Variants in FAM50B observed in about 807,000 individuals in gnomAD.
FAM50B encodes the protein family with sequence similarity 50 member B.
FAM50B carries 9 observed loss-of-function variants against 25.4 expected under a neutral mutation model. The observed-to-expected ratio is 0.35, with a 90% CI of 0.21 to 0.62. The LOEUF is 0.62. Among genes scored for constraint, FAM50B ranks in the 20% least tolerant of loss-of-function variants. The pLI is 0.73. For missense variants in FAM50B, 372 were observed against 477.9 expected, an observed-to-expected ratio of 0.78 and a Z score of 2.07; for synonymous variants, 212 against 204.3, an observed-to-expected ratio of 1.04 and a Z score of -0.32.
At chr6:3,844,008 A>G in the FAM50B span, among the ~76,000 whole-genome samples, 8 of 152,216 alleles carry the variant, frequency 5.3e-5, no homozygotes, top group African/African-American at 1.2e-4. Flanking sequence ...AGAGGACAGT[A>G]TATCTGCCAC....
At chr6:3,847,171 G>A (rs1241287892), upstream of FAM50B, among the ~76,000 whole-genome samples, 1 of 152,214 alleles carries the variant, frequency 6.6e-6, no homozygotes, top group Non-Finnish European at 1.5e-5. Flanking sequence ...AGCTACACTA[G>A]CCCCTAGCAA....
upstream of FAM50B, among the ~76,000 whole-genome samples, chr6:3,848,104 A>G (rs1162258391): frequency 6.6e-6 from 1 of 152,268 alleles, no homozygotes; most frequent in African/African-American, 2.4e-5. Context: ...ATATTGCAAG[A>G]ATTACCAAAA....
chr6:3,837,226 T>A, the FAM50B span, among the ~76,000 whole-genome samples: 1 of 152,136 alleles, frequency 6.6e-6, no homozygotes, highest in Non-Finnish European at 1.5e-5. Context: ...GAGCAACCGA[T>A]AAATTGAAGT....
chr6:3,849,724 G>A, intron 1 of FAM50B, 65 bp from the exon 2 acceptor site: 2 of 1,474,842 alleles, frequency 1.4e-6, no homozygotes, highest in Non-Finnish European at 1.8e-6. Flanking sequence ...GAGGCGCAGA[G>A]CTGAGCATTC....
chr6:3,845,021 T>C (rs893867514), upstream of FAM50B, among the ~76,000 whole-genome samples: 1 of 152,220 alleles, frequency 6.6e-6, no homozygotes, highest in Non-Finnish European at 1.5e-5. Context: ...TTTTGTTCTA[T>C]TTATTCTTCT....
At chr6:3,842,292 G>A in the FAM50B span, among the ~76,000 whole-genome samples, 1 of 152,192 alleles carries the variant, frequency 6.6e-6, no homozygotes, top group African/African-American at 2.4e-5. Context: ...GAAACGTAGT[G>A]TGCGAAGCCA....
chr6:3,849,989 C>T lies in FAM50B; in HGVS notation c.178C>T (p.Leu60=). 6.2e-7 allele frequency: 1 copy of T among 1,613,888 alleles called. No homozygotes were observed. Among genetic ancestry groups the T allele is most frequent in the Non-Finnish European group, 8.5e-7 (1 of 1,179,952 alleles). ...GCATTACGACGCCGTGGAGGCCGAGCTGAAGTCCAGCACGGTGGGCCTGGT... is the reference window on the plus strand; with the variant it reads ...GCATTACGACGCCGTGGAGGCCGAGTTGAAGTCCAGCACGGTGGGCCTGGT... ...SAHYDAVEAE[L]KSSTVGLVTL... is the part of the protein sequence containing the mutation. The change falls in exon 2 of 2, where the codon CTG becomes TTG. Residue 60 remains leucine (L), a synonymous_variant. Transcript: ENST00000648326.
At chr6:3,838,006 C>G in the FAM50B span, among the ~76,000 whole-genome samples, 2 of 152,210 alleles carry the variant, frequency 1.3e-5, no homozygotes, top group African/African-American at 4.8e-5. Flanking sequence ...TAAGTGCTGA[C>G]AAGAATGCAG....
At chr6:3,849,588 T>G in intron 1 of FAM50B, 102 bp downstream of exon 1, 1 of 736,604 alleles carries the variant, frequency 1.4e-6, no homozygotes, top group Non-Finnish European at 2.1e-6. Context: ...GCCGTTCGCA[T>G]TTGCATTTAT....
At chr6:3,848,130 C>A (rs1022619360), upstream of FAM50B, among the ~76,000 whole-genome samples, 26 of 152,156 alleles carry the variant, frequency 1.7e-4, no homozygotes, top group Non-Finnish European at 2.9e-4. Flanking sequence ...CACAGGAACA[C>A]GAAGTGAGCA....
At chr6:3,838,913 A>G in the FAM50B span, among the ~76,000 whole-genome samples, 1 of 151,840 alleles carries the variant, frequency 6.6e-6, no homozygotes, top group East Asian at 1.9e-4. Context: ...CATATGCAAC[A>G]GCATGGATGA....
chr6:3,840,570 C>T, the FAM50B span, among the ~76,000 whole-genome samples: 2 of 152,284 alleles, frequency 1.3e-5, no homozygotes, highest in East Asian at 3.9e-4. Flanking sequence ...GCACCTGCCC[C>T]GCCTCCAACG....
chr6:3,849,631 TG>T, intron 1 of FAM50B, 145 bp downstream of exon 1: 1 of 1,092,458 alleles, frequency 9.2e-7, no homozygotes. Flanking sequence ...AATTGGTGCC[TG>T]GTGACACTGT....
chr6:3,849,482 G>A lies in FAM50B; in HGVS notation c.-28G>A. 3.8e-6 allele frequency: 1 copy of A among 264,682 alleles called. No homozygotes were observed. Among genetic ancestry groups the A allele is most frequent in the South Asian group, 8.1e-5 (1 of 12,390 alleles). The allele number at this position is 264,682 out of a possible 1,614,324, so 16.4% of individuals were successfully genotyped here. On this transcript the variant is annotated 5_prime_UTR_variant, in exon 1 of 2. Coordinates refer to ENST00000648326, the MANE Select transcript of FAM50B (RefSeq NM_012135.3). ...GTGTCTCCGCTCGACAGGGTGCTTG[G>A]GCAGGTAAGGGTCCGCTCAGTAGCC... is the stretch of plus-strand genomic sequence containing the variant.
chr6:3,841,961 G>A, the FAM50B span, among the ~76,000 whole-genome samples: 1 of 152,234 alleles, frequency 6.6e-6, no homozygotes, highest in African/African-American at 2.4e-5. Context: ...TGTGAGCAGT[G>A]TGCACTGTGG....
In FAM50B at chr6:3,850,502, G is replaced by A. The variant is rs759641838; in HGVS notation, c.691G>A (p.Gly231Ser). 3.1e-6 allele frequency: 5 copies of A among 1,613,734 alleles called. No individual in the cohort carries two copies. In the East Asian group the frequency reaches 6.7e-5, roughly 22 times the overall value. ...GGACTTCCTGGAGCTGCGCTCCGCC[G>A]GCGTGGAGCAGCTCATGTTCATCAA... Reference protein sequence around the residue: ...RKDFLELRSAGVEQLMFIKED... With the variant: ...RKDFLELRSASVEQLMFIKED... The change falls in exon 2 of 2, where the codon GGC (glycine) becomes AGC (serine). Residue 231 changes from glycine to serine, a missense_variant. Transcript: ENST00000648326.
the FAM50B span, among the ~76,000 whole-genome samples, chr6:3,843,459 A>G: frequency 2.5e-3 from 381 of 152,382 alleles, 1 homozygote; most frequent in Non-Finnish European, 4.8e-3. Flanking sequence ...GATACAAATG[A>G]AAGAAAAAAA....
chr6:3,850,847 A>T lies in FAM50B; in HGVS notation c.*58A>T. 6.4e-7 allele frequency: 1 copy of T among 1,568,524 alleles called. No homozygotes were observed. Among genetic ancestry groups the T allele is most frequent in the South Asian group, 1.2e-5 (1 of 85,776 alleles). ...GGGGAGACACTCATTTCTAGGCCCC[A>T]TCACCAGTCACTTGATTTCGTGACC... On this transcript the variant is annotated 3_prime_UTR_variant, in exon 2 of 2. Transcript: ENST00000648326.
chr6:3,846,328 T>C (rs1306035323), upstream of FAM50B, among the ~76,000 whole-genome samples: 3 of 152,230 alleles, frequency 2.0e-5, no homozygotes, highest in Admixed American at 1.3e-4. Flanking sequence ...ATAAAAGTTA[T>C]GTTTATACTA....
Sources: allele counts gnomAD v4.1 joint callset (sites outside exome capture counted in the v4.1 genomes callset), GRCh38; gene constraint gnomAD v4.1.1; transcripts MANE v1.5; gene names NCBI Gene and HGNC (gene_info 2026-07-23, HGNC 2026-07-21).